The following GRIK4 variants were observed in gnomAD, a reference collection of about 807,000 sequenced individuals.
GRIK4 encodes glutamate ionotropic receptor kainate type subunit 4, also known as glutamate receptor ionotropic, kainate 4.
A neutral mutation model predicts 104.9 loss-of-function variants in GRIK4; 40 were observed. The ratio of observed to expected loss-of-function variants is 0.38; its 90% CI spans 0.30 to 0.50. The LOEUF (loss-of-function observed/expected upper bound fraction) is 0.50. GRIK4 is among the 20% of genes least tolerant of loss of function. GRIK4 has a pLI of 0.93. For synonymous variants in GRIK4, 485 were observed against 524.9 expected, an observed-to-expected ratio of 0.92 and a Z score of 1.04; for missense variants, 1,047 against 1,308.1, an observed-to-expected ratio of 0.80 and a Z score of 3.08.
At chr11:120,591,826 C>CTGCATCCCTCCTCCTCTTCT (rs1157679811) in intron 1 of GRIK4, among the ~76,000 whole-genome samples, 1 of 152,202 alleles carries the variant, frequency 6.6e-6, no homozygotes, top group African/African-American at 2.4e-5. Flanking sequence ...CCTCTTCCTC[C>CTGCATCCCTCCTCCTCTTCT]TGCATCCCTC....
Position 120,555,136 on chromosome 11 carries a change from G to A in GRIK4, c.-159+43249G>A, listed in dbSNP as rs1016014665. On this transcript the variant is annotated intron_variant, in intron 1 of 20. Coordinates refer to ENST00000527524, the MANE Select transcript of GRIK4 (RefSeq NM_014619.5). This position sits in a 1 kb window ranked among gnomAD's most constrained non-coding sequence, Gnocchi z 5.3. ...CCCAGATGTCCTCCAGGCCCTGCAC[G>A]CGCAGGTCACCATGTTATCTATCCA... Among the ~76,000 whole-genome samples the A allele has an allele frequency of 5.9e-5, 9 of 152,250 alleles. No homozygotes were observed. The highest frequency in any genetic ancestry group is 3.9e-4 in the East Asian group (2 of 5,194).
intron 3 of GRIK4, among the ~76,000 whole-genome samples, chr11:120,787,067 C>G (rs1011624898): frequency 6.6e-6 from 1 of 152,148 alleles, no homozygotes; most frequent in African/African-American, 2.4e-5. Context: ...CCTGTCATCC[C>G]AGCACTTTGG....
At chr11:120,839,032 C>T (rs1953652298) in intron 8 of GRIK4, among the ~76,000 whole-genome samples, 1 of 152,172 alleles carries the variant, frequency 6.6e-6, no homozygotes, top group Admixed American at 6.5e-5. Flanking sequence ...GGTGATCTGC[C>T]TGCCTTGGCC....
At chr11:120,923,280 G>A (rs942830952) in intron 13 of GRIK4, among the ~76,000 whole-genome samples, 4 of 152,146 alleles carry the variant, frequency 2.6e-5, no homozygotes, top group African/African-American at 9.7e-5. Flanking sequence ...AGCAGAGGCT[G>A]GATCTCTGGG....
At chr11:120,639,729 C>T (rs1949447017) in intron 1 of GRIK4, among the ~76,000 whole-genome samples, 1 of 152,256 alleles carries the variant, frequency 6.6e-6, no homozygotes, top group Admixed American at 6.5e-5. Flanking sequence ...TCCAGGACCT[C>T]TTCAGTGCCC....
At chr11:120,836,976 A>G in intron 8 of GRIK4, 132 bp downstream of exon 8, 1 of 627,008 alleles carries the variant, frequency 1.6e-6, no homozygotes, top group Non-Finnish European at 2.9e-6. Flanking sequence ...AGCCAACCAG[A>G]GAGGCAGGGC....
intron 3 of GRIK4, among the ~76,000 whole-genome samples, chr11:120,677,563 A>T (rs1335929235): frequency 6.6e-6 from 1 of 152,220 alleles, no homozygotes; most frequent in Non-Finnish European, 1.5e-5. Flanking sequence ...TCTATGGAAA[A>T]TACAAAGAAA....
chr11:120,682,994 C>T (rs1374014131), intron 3 of GRIK4, among the ~76,000 whole-genome samples: 4 of 151,500 alleles, frequency 2.6e-5, no homozygotes, highest in Admixed American at 6.6e-5. Context: ...GATACTGCTC[C>T]CCCTCTCTCT....
chr11:120,694,727 G>A (rs1054544054), intron 3 of GRIK4, among the ~76,000 whole-genome samples: 1 of 152,174 alleles, frequency 6.6e-6, no homozygotes, highest in Non-Finnish European at 1.5e-5. Context: ...AGAGCTCCAG[G>A]GGGCCTGGGA....
At chr11:120,813,154 G>T (rs1260088366) in intron 4 of GRIK4, among the ~76,000 whole-genome samples, 1 of 152,172 alleles carries the variant, frequency 6.6e-6, no homozygotes, top group Non-Finnish European at 1.5e-5. Context: ...GTGGCTGGCT[G>T]CAAGGAGCAG....
chr11:120,884,744 G>T (rs921002414), intron 11 of GRIK4, among the ~76,000 whole-genome samples: 1 of 152,224 alleles, frequency 6.6e-6, no homozygotes, highest in African/African-American at 2.4e-5. Flanking sequence ...GACAAGAGCT[G>T]CCGACACCCT....
chr11:120,828,178 T>A (rs1478900252), intron 6 of GRIK4, among the ~76,000 whole-genome samples: 1 of 152,206 alleles, frequency 6.6e-6, no homozygotes, highest in Non-Finnish European at 1.5e-5. Context: ...GCACCCTGCC[T>A]GCACTGGGGT....
intron 3 of GRIK4, among the ~76,000 whole-genome samples, chr11:120,685,757 T>A (rs1306081978): frequency 6.6e-6 from 1 of 152,208 alleles, no homozygotes; most frequent in Non-Finnish European, 1.5e-5. Context: ...TCTCTCTTGA[T>A]CTTGGTTTCC....
chr11:120,577,370 A>G (rs1179712897), intron 1 of GRIK4, among the ~76,000 whole-genome samples: 1 of 151,744 alleles, frequency 6.6e-6, no homozygotes, highest in East Asian at 1.9e-4. Flanking sequence ...GAGTGGGATG[A>G]TGGAGATCTC....
At chr11:120,597,061 G>A (rs1001691541) in intron 1 of GRIK4, among the ~76,000 whole-genome samples, 10 of 152,144 alleles carry the variant, frequency 6.6e-5, no homozygotes, top group African/African-American at 1.7e-4. Context: ...CCTCACTTGG[G>A]GCTTCTATAT....
intron 1 of GRIK4, among the ~76,000 whole-genome samples, chr11:120,604,954 T>C (rs1194077956): frequency 6.6e-6 from 1 of 152,164 alleles, no homozygotes; most frequent in African/African-American, 2.4e-5. Flanking sequence ...CCTCTACCTT[T>C]TGGCTTTAAG....
chr11:120,762,354 G>C (rs1002612550), intron 3 of GRIK4, among the ~76,000 whole-genome samples: 1 of 152,100 alleles, frequency 6.6e-6, no homozygotes, highest in African/African-American at 2.4e-5. Context: ...CAGACAATGG[G>C]GTTTTCTAAA....
intron 3 of GRIK4, among the ~76,000 whole-genome samples, chr11:120,739,821 G>T (rs1951294428): frequency 6.6e-6 from 1 of 152,300 alleles, no homozygotes; most frequent in South Asian, 2.1e-4. Flanking sequence ...CGCTGATCTG[G>T]TACAATCACA....
At chr11:120,738,924 G>A (rs551983444) in intron 3 of GRIK4, among the ~76,000 whole-genome samples, 1 of 152,352 alleles carries the variant, frequency 6.6e-6, no homozygotes, top group South Asian at 2.1e-4. Flanking sequence ...GCAGCCGGTA[G>A]GGAGCGGACT....
Sources: gnomAD v4.1 joint callset for allele counts (sites outside exome capture counted in the v4.1 genomes callset) on GRCh38, gnomAD v4.1.1 for gene constraint, Gnocchi (gnomAD v3.1) non-coding constraint, MANE v1.5 for transcripts, NCBI Gene and HGNC (gene_info 2026-07-23, HGNC 2026-07-21) for gene names.